The following PCGF1 variants were observed in gnomAD, a reference collection of about 807,000 sequenced individuals.
PCGF1 encodes the protein polycomb group RING finger protein 1.
PCGF1 carries 10 observed loss-of-function variants against 38.8 expected under a neutral mutation model. That is an observed-to-expected ratio of 0.26 (90% CI 0.16 to 0.44). The LOEUF (loss-of-function observed/expected upper bound fraction) is 0.44. Among genes scored for constraint, PCGF1 ranks in the 20% least tolerant of loss-of-function variants. The pLI, the probability that PCGF1 is intolerant of heterozygous loss-of-function variation, is 1.00. For synonymous variants in PCGF1, 119 were observed against 121.3 expected (o/e 0.98, Z 0.12); for missense variants, 230 against 331.5 (o/e 0.69, Z 2.38).
intron 3 of PCGF1, 56 bp downstream of exon 3, chr2:74,506,676 C>G (rs1674644845): frequency 6.3e-7 from 1 of 1,597,056 alleles, no homozygotes; most frequent in African/African-American, 1.3e-5. Context: ...TCACCTCAAG[C>G]TGCCACTCAG....
chr2:74,507,392 T>A, intron 1 of PCGF1, 184 bp downstream of exon 1: 2 of 1,454,088 alleles, frequency 1.4e-6, no homozygotes, highest in Non-Finnish European at 1.8e-6. Context: ...CTACACAACG[T>A]CGGCGACACA....
In PCGF1 at chr2:74,506,788, T is replaced by C. The variant is rs2104315812; in HGVS notation, c.296A>G (p.Lys99Arg). 2 of 1,614,146 alleles carry C rather than the reference T, an allele frequency of 1.2e-6. No individual in the cohort carries two copies. Among genetic ancestry groups the C allele is most frequent in the South Asian group, 1.1e-5 (1 of 91,084 alleles). ...IHETQPLLNLKLDRVMQDIVY... is the reference protein window; with the variant it reads ...IHETQPLLNLRLDRVMQDIVY... Reference sequence around the variant, plus strand: ...GATGTCCTGCATGACCCGGTCCAGTTTGAGGTTGAGCAGTGGCTGTGTCTC... The same window carrying C: ...GATGTCCTGCATGACCCGGTCCAGTCTGAGGTTGAGCAGTGGCTGTGTCTC... Residue 99 changes from lysine to arginine, a missense_variant, in exon 3 of 9, where the codon AAA becomes AGA. By Grantham distance (26) the Lys-to-Arg change is conservative (BLOSUM62 2). Transcript: ENST00000233630.
At chr2:74,507,452 G>C in intron 1 of PCGF1, 124 bp downstream of exon 1, 1 of 1,476,570 alleles carries the variant, frequency 6.8e-7, no homozygotes, top group South Asian at 1.3e-5. Context: ...CAACCACGCA[G>C]GCGCACTGGG....
At position 74,507,329 on chromosome 2, in the gene PCGF1, C is replaced by T. The variant is rs377197816; in HGVS notation, c.94-182G>A. 66 of 1,456,024 alleles carry T rather than the reference C, an allele frequency of 4.5e-5. No homozygotes were observed. The African/African-American group carries it at 9.1e-4, about 20-fold the overall frequency. The allele number at this position is 1,456,024 out of a possible 1,614,324, so 90.2% of individuals were successfully genotyped here. A position where few individuals can be genotyped will look rare whatever the true frequency, so the allele number is the denominator to read the frequency against. ...TCCGCCCAGCAGAGGGCTCCGCGCACAGCGGGGGCTTCCCTCACGTGGACT... is the reference window on the plus strand; with the variant it reads ...TCCGCCCAGCAGAGGGCTCCGCGCATAGCGGGGGCTTCCCTCACGTGGACT... On this transcript the variant is annotated intron_variant, in intron 1 of 8. Coordinates refer to ENST00000233630, the MANE Select transcript of PCGF1 (RefSeq NM_032673.3).
Position 74,506,309 on chromosome 2 carries a change from G to A in PCGF1, c.353-57C>T, listed in dbSNP as rs1674632898. 3.3e-6 allele frequency: 5 copies of A among 1,526,442 alleles called. No homozygotes were observed. In the South Asian group the frequency reaches 5.6e-5, roughly 17 times the overall value. 94.6% of individuals were successfully genotyped at this position (1,526,442 alleles called of 1,614,324 possible). A position where few individuals can be genotyped will look rare whatever the true frequency, so the allele number is the denominator to read the frequency against. On this transcript the variant is annotated intron_variant, in intron 3 of 8. Coordinates refer to ENST00000233630, the MANE Select transcript of PCGF1 (RefSeq NM_032673.3). ...TTAGCCCTTCGGGGCCGGGCGCGGT[G>A]GCTCACGCCTGTAATCCCAGCACTT...
At chr2:74,506,115 C>G in intron 4 of PCGF1, 58 bp from the exon 5 acceptor site, 1 of 1,612,520 alleles carries the variant, frequency 6.2e-7, no homozygotes, top group Non-Finnish European at 8.5e-7. Context: ...TCCTCTTTCC[C>G]CAGAGAGCAA....
In PCGF1 at chr2:74,507,609, C is replaced by T. The variant is rs111794312; in HGVS notation, c.60G>A (p.Gln20=). Residue 20 remains glutamine, a synonymous_variant, in exon 1 of 9, where the codon CAG becomes CAA. Coordinates refer to ENST00000233630, the MANE Select transcript of PCGF1 (RefSeq NM_032673.3). ...AIAMRLRNQL[Q]SVYKMDPLRN... is the part of the protein sequence containing the mutation. ...GTAGCGGGTCCATCTTGTACACTGA[C>T]TGGAGCTGGTTCCGAAGCCTCATCG... The T allele has an allele frequency of 1.3e-6, 2 of 1,588,928 alleles. No individual in the cohort carries two copies. The highest frequency in any genetic ancestry group is 1.7e-6 in the Non-Finnish European group (2 of 1,167,978).
intron 8 of PCGF1, 37 bp from the exon 9 acceptor site, chr2:74,505,227 A>T: frequency 6.4e-7 from 1 of 1,563,284 alleles, no homozygotes; most frequent in Non-Finnish European, 8.7e-7. Context: ...TCAGTGGGGA[A>T]TGTTCTTATA....
At chr2:74,506,450 C>A in intron 3 of PCGF1, 198 bp from the exon 4 acceptor site, 1 of 614,160 alleles carries the variant, frequency 1.6e-6, no homozygotes, top group Non-Finnish European at 2.8e-6. Flanking sequence ...TGGTGGTGGG[C>A]GCCTGTAGTC....
At chr2:74,507,372 C>G in intron 1 of PCGF1, 1 of 1,452,870 alleles carries the variant, frequency 6.9e-7, no homozygotes, top group Non-Finnish European at 9.0e-7. Flanking sequence ...CCCTCCTTTC[C>G]CAGGGGAGAC....
At position 74,505,728 on chromosome 2, in the gene PCGF1, C is replaced by G. The variant is rs763001359; in HGVS notation, c.564+9G>C. 1 of 1,614,210 alleles carries G rather than the reference C, an allele frequency of 6.2e-7. No individual in the cohort carries two copies. The highest frequency in any genetic ancestry group is 2.2e-5 in the East Asian group (1 of 44,888). On this transcript the variant is annotated intron_variant, in intron 6 of 8. Coordinates refer to ENST00000233630, the MANE Select transcript of PCGF1 (RefSeq NM_032673.3). ...TCCTTAGAGAGGCCCTCCCCTCAGCCCTTCTCACCTGCAGGACGCTTTTAT... is the reference window on the plus strand; with the variant it reads ...TCCTTAGAGAGGCCCTCCCCTCAGCGCTTCTCACCTGCAGGACGCTTTTAT...
intron 2 of PCGF1, 58 bp downstream of exon 2, chr2:74,506,984 C>T: frequency 1.2e-6 from 2 of 1,603,164 alleles, no homozygotes; most frequent in South Asian, 1.1e-5. Context: ...CAGAAGCTGG[C>T]AGTCAGCTTG....
At position 74,506,032 on chromosome 2, in the gene PCGF1, G is replaced by A; in HGVS notation, c.450C>T (p.Leu150=). The change falls in exon 5 of 9, where the codon CTC becomes CTT. Residue 150 remains leucine, a synonymous_variant. Transcript: ENST00000233630. ...TAGAGTGGTCAAAGCTGCTGAAGGG[G>A]AGGCCGAGGTTGCTCAGTGCTGGCT... The part of the protein sequence containing the change: ...GEEPALSNLG[L]PFSSFDHSKA... 1 of 1,614,202 alleles carries A rather than the reference G, an allele frequency of 6.2e-7. No individual in the cohort carries two copies. Among genetic ancestry groups the A allele is most frequent in the Non-Finnish European group, 8.5e-7 (1 of 1,180,026 alleles).
Position 74,507,587 on chromosome 2 carries a change from G to A in PCGF1, c.82C>T (p.Leu28=). Residue 28 remains leucine (L), a synonymous_variant, in exon 1 of 9, where the codon CTA becomes TTA. Coordinates refer to ENST00000233630, the MANE Select transcript of PCGF1 (RefSeq NM_032673.3). The stretch of plus-strand genomic sequence containing the variant: ...TGCCGCCCTTGCACCTCGTTCCGTA[G>A]CGGGTCCATCTTGTACACTGACTGG... ...QLQSVYKMDP[L]RNEEEVRVKI... is the part of the protein sequence containing the mutation. 6.3e-7 allele frequency: 1 copy of A among 1,588,286 alleles called. No individual in the cohort carries two copies. The highest frequency in any genetic ancestry group is 1.1e-5 in the South Asian group (1 of 86,978).
chr2:74,507,444 AC>A lies in PCGF1; in HGVS notation c.93+131del, dbSNP rs1057228549. 5.1e-4 allele frequency: 756 copies of A among 1,471,800 alleles called. 4 individuals are homozygous for A. The highest frequency in any genetic ancestry group is 1.0e-4 in the Non-Finnish European group (116 of 1,114,672). 91.2% of individuals were successfully genotyped at this position (1,471,800 alleles called of 1,614,324 possible). ...ACCGGAGTTTGGCAACCCGATCGCA[AC>A]CACGCAGGCGCACTGGGCACTCTGT... On this transcript the variant is annotated intron_variant, in intron 1 of 8. Coordinates refer to ENST00000233630, the MANE Select transcript of PCGF1 (RefSeq NM_032673.3).
chr2:74,507,461 G>T, intron 1 of PCGF1, 115 bp downstream of exon 1: 2 of 1,493,868 alleles, frequency 1.3e-6, no homozygotes, highest in Non-Finnish European at 1.8e-6. Context: ...AGGCGCACTG[G>T]GCACTCTGTC....
In PCGF1 at chr2:74,505,115, G is replaced by T; in HGVS notation, c.*28C>A. The T allele has an allele frequency of 6.8e-7, 1 of 1,471,008 alleles. No homozygotes were observed. The highest frequency in any genetic ancestry group is 9.0e-7 in the Non-Finnish European group (1 of 1,108,654). The allele number at this position is 1,471,008 out of a possible 1,614,324, so 91.1% of individuals were successfully genotyped here. On this transcript the variant is annotated 3_prime_UTR_variant, in exon 9 of 9. Coordinates refer to ENST00000233630, the MANE Select transcript of PCGF1 (RefSeq NM_032673.3). ...CACATAAATATCTGGGGAGGGAAGG[G>T]GAGTGGGATGGGGTGGGGGCTTGGC... is the stretch of plus-strand genomic sequence containing the variant.
rs1198894911 is a variant in PCGF1 at position 74,505,354 on chromosome 2, G to A, written c.717C>T (p.Ser239=). 6.2e-7 allele frequency: 1 copy of A among 1,609,228 alleles called. No homozygotes were observed. The highest frequency in any genetic ancestry group is 8.5e-7 in the Non-Finnish European group (1 of 1,177,560). ...DHMTMKQIWL[S]RWFGKPSPLL... The stretch of plus-strand genomic sequence containing the variant: ...CCTGGCTTACCTTGCCGAACCAGCG[G>A]GAGAGCCATATCTGCTTCATTGTCA... Residue 239 remains serine (S), a synonymous_variant, in exon 8 of 9, where the codon TCC becomes TCT. Transcript: ENST00000233630.
chr2:74,507,694 C>G lies in PCGF1; in HGVS notation c.-26G>C, dbSNP rs1315502030. 6.5e-7 allele frequency: 1 copy of G among 1,549,052 alleles called. No homozygotes were observed. The highest frequency in any genetic ancestry group is 1.4e-5 in the African/African-American group (1 of 73,186). On this transcript the variant is annotated 5_prime_UTR_variant, in exon 1 of 9. Coordinates refer to ENST00000233630, the MANE Select transcript of PCGF1 (RefSeq NM_032673.3). The stretch of plus-strand genomic sequence containing the variant: ...CTTAAAGGCTGATCCCAGCCGGCCA[C>G]TTCCGGTGCCGCCTGCAGGGCGGGA...
Sources: gnomAD v4.1 joint callset for allele counts on GRCh38, gnomAD v4.1.1 for gene constraint, MANE v1.5 for transcripts, NCBI Gene and HGNC (gene_info 2026-07-23, HGNC 2026-07-21) for gene names.